Variants in GLI3 observed in about 807,000 individuals in gnomAD.
The protein encoded by GLI3 is transcription activator GLI3.
A neutral mutation model predicts 100.8 loss-of-function variants in GLI3; 20 were observed. That is an observed-to-expected ratio of 0.20 (90% CI 0.14 to 0.29). The LOEUF (loss-of-function observed/expected upper bound fraction) is 0.29. GLI3 is among the 10% of genes least tolerant of loss of function. The pLI, the probability that GLI3 is intolerant of heterozygous loss-of-function variation, is 1.00. For missense variants in GLI3, 2,040 were observed against 2,128.5 expected (o/e 0.96, Z 0.82); for synonymous variants, 938 against 860.5 (o/e 1.09, Z -1.58).
At chr7:42,222,847 G>A (rs961777756) in intron 2 of GLI3, 1 of 395,650 alleles carries the variant, frequency 2.5e-6, no homozygotes, top group East Asian at 5.9e-5. Context: ...GACTAGTCAA[G>A]ATGATTTCCA....
At chr7:42,194,757 C>CTTTTTTTT (rs1338910591) in intron 2 of GLI3, among the ~76,000 whole-genome samples, 3 of 81,860 alleles carry the variant, frequency 3.7e-5, no homozygotes, top group East Asian at 2.6e-4. Context: ...CTCTCTCTGT[C>CTTTTTTTT]TCTTTTTTTT....
chr7:42,189,882 C>T (rs1787790389), intron 2 of GLI3, among the ~76,000 whole-genome samples: 1 of 151,806 alleles, frequency 6.6e-6, no homozygotes, highest in African/African-American at 2.4e-5. Context: ...CAAAATCTAT[C>T]ATCATCTAAT....
At chr7:42,069,062 C>G (rs6960695) in intron 4 of GLI3, among the ~76,000 whole-genome samples, 1 of 152,034 alleles carries the variant, frequency 6.6e-6, no homozygotes, top group Admixed American at 6.6e-5. Context: ...TTGACAGCAG[C>G]CTCTATAGAG....
At position 41,972,059 on chromosome 7, in the gene GLI3, CAGACACGCTGGAG is replaced by C. The variant is rs1472961580; in HGVS notation, c.2103+265_2103+277del. Among the ~76,000 whole-genome samples the C allele has an allele frequency of 2.6e-5, 4 of 152,338 alleles. No homozygotes were observed. In the East Asian group the frequency reaches 5.8e-4, roughly 22 times the overall value. ...AGTCAATGAATGATTTTCGACATTA[CAGACACGCTGGAG>C]AGACAGACAGTCGTGTCTTTCTTCC... On this transcript the variant is annotated intron_variant, in intron 13 of 14. Transcript: ENST00000395925. The surrounding 1 kb of genome is among the most constrained non-coding windows in gnomAD (Gnocchi z 4.4).
At chr7:42,029,308 A>G (rs1037493085) in intron 7 of GLI3, among the ~76,000 whole-genome samples, 1 of 152,218 alleles carries the variant, frequency 6.6e-6, no homozygotes, top group Non-Finnish European at 1.5e-5. Context: ...CAGCTCTGAC[A>G]CAGTATCACT....
chr7:42,087,056 A>G (rs978428748), intron 3 of GLI3, among the ~76,000 whole-genome samples: 1 of 152,082 alleles, frequency 6.6e-6, no homozygotes, highest in South Asian at 2.1e-4. Context: ...GAAGAGGCCC[A>G]CTTATCCGTG....
At chr7:42,015,476 A>C (rs1203145609) in intron 10 of GLI3, among the ~76,000 whole-genome samples, 1 of 152,168 alleles carries the variant, frequency 6.6e-6, no homozygotes, top group Non-Finnish European at 1.5e-5. Context: ...AATCTTAAAA[A>C]AAAAGTCCTC....
intron 1 of GLI3, among the ~76,000 whole-genome samples, chr7:42,262,232 C>CCTTCCTTCCTTCCTTCCTTT (rs1789152217): frequency 2.9e-5 from 4 of 137,818 alleles, no homozygotes; most frequent in African/African-American, 1.2e-4. Context: ...TTCTTTCCTT[C>CCTTCCTTCCTTCCTTCCTTT]CTTCCTTCCT....
chr7:41,978,941 T>G lies in GLI3; in HGVS notation c.1498-193A>C, dbSNP rs536446997. Among the ~76,000 whole-genome samples the G allele has an allele frequency of 2.6e-5, 4 of 152,382 alleles. No homozygotes were observed. The South Asian group carries it at 8.3e-4, about 32-fold the overall frequency. On this transcript the variant is annotated intron_variant, in intron 10 of 14. Transcript: ENST00000395925. ...TAAATTTGCTTTTGCTAACTGTGTA[T>G]GCATGCTTCCTAACCAGTGGGAGTG...
chr7:42,181,975 G>A (rs992606596), intron 2 of GLI3, among the ~76,000 whole-genome samples: 2 of 152,146 alleles, frequency 1.3e-5, no homozygotes, highest in South Asian at 4.1e-4. Context: ...AGCTAGCTTT[G>A]TTACTGTTGT....
chr7:42,039,441 T>G (rs1182712263), intron 7 of GLI3, among the ~76,000 whole-genome samples: 1 of 152,220 alleles, frequency 6.6e-6, no homozygotes, highest in South Asian at 2.1e-4. Context: ...AGGTGTATGG[T>G]CAAAATAGGG....
chr7:41,984,579 G>C (rs17707224), intron 10 of GLI3, among the ~76,000 whole-genome samples: 49,119 of 152,016 alleles, frequency 0.32, 9,199 homozygotes, highest in East Asian at 0.81. Flanking sequence ...TACACACCTG[G>C]CTGCCTCAAA....
chr7:42,194,550 G>A (rs1216295022), intron 2 of GLI3, among the ~76,000 whole-genome samples: 1 of 152,006 alleles, frequency 6.6e-6, no homozygotes, highest in Non-Finnish European at 1.5e-5. Context: ...ATGCCCTCCA[G>A]CTTAACCTGA....
At chr7:41,968,967 C>T (rs1043967377) in intron 13 of GLI3, among the ~76,000 whole-genome samples, 1 of 152,106 alleles carries the variant, frequency 6.6e-6, no homozygotes, top group Non-Finnish European at 1.5e-5. Flanking sequence ...TCTAGTCCAC[C>T]GTAGTCCTCA....
At chr7:42,152,675 G>T (rs1562760902) in intron 2 of GLI3, among the ~76,000 whole-genome samples, 2 of 152,126 alleles carry the variant, frequency 1.3e-5, no homozygotes, top group Non-Finnish European at 1.5e-5. Context: ...GAGAAGGAGG[G>T]TTTATTATTT....
intron 10 of GLI3, among the ~76,000 whole-genome samples, chr7:42,013,720 A>G (rs1788683097): frequency 6.6e-6 from 1 of 152,192 alleles, no homozygotes; most frequent in South Asian, 2.1e-4. Flanking sequence ...AGGAAAAATG[A>G]TAACAATCAC....
chr7:42,099,952 C>G (rs1464493180), intron 3 of GLI3, among the ~76,000 whole-genome samples: 1 of 152,278 alleles, frequency 6.6e-6, no homozygotes, highest in African/African-American at 2.4e-5. Context: ...CACGTTAGTG[C>G]CAATCCACTC....
chr7:42,178,630 G>A (rs1787529357), intron 2 of GLI3, among the ~76,000 whole-genome samples: 2 of 152,140 alleles, frequency 1.3e-5, no homozygotes, highest in Non-Finnish European at 2.9e-5. Context: ...ACTGTGTACT[G>A]GGGACTAGTA....
intron 2 of GLI3, among the ~76,000 whole-genome samples, chr7:42,150,400 G>T (rs1786826788): frequency 6.6e-6 from 1 of 152,108 alleles, no homozygotes; most frequent in Non-Finnish European, 1.5e-5. Flanking sequence ...TAAGAATTTT[G>T]CAGTTACGTA....
Sources: gnomAD v4.1 joint callset for allele counts (sites outside exome capture counted in the v4.1 genomes callset) on GRCh38, gnomAD v4.1.1 for gene constraint, Gnocchi (gnomAD v3.1) non-coding constraint, MANE v1.5 for transcripts, NCBI Gene and HGNC (gene_info 2026-07-23, HGNC 2026-07-21) for gene names.